TENM3: variants seen among roughly 807,000 people sequenced by gnomAD.
TENM3 encodes the protein teneurin transmembrane protein 3.
In TENM3, 63 loss-of-function variants were observed where a neutral mutation model predicts 255.1. The observed-to-expected ratio is 0.25, with a 90% CI of 0.20 to 0.30. The LOEUF (loss-of-function observed/expected upper bound fraction) is 0.30, where lower values mean the gene tolerates loss of function less well. Ranked by LOEUF, TENM3 falls within the 10% of genes least tolerant of loss-of-function variation. TENM3 has a pLI of 1.00. For missense variants in TENM3, 2,929 were observed against 3,461.1 expected (o/e 0.85, Z 3.86); for synonymous variants, 1,306 against 1,322.3 (o/e 0.99, Z 0.27).
chr4:181,849,949 T>TCA, the TENM3 span, among the ~76,000 whole-genome samples: 328 of 65,950 alleles, frequency 5.0e-3, 6 homozygotes, highest in African/African-American at 0.014. Context: ...TCTCTCTCTC[T>TCA]CACACACACA....
chr4:182,800,365 C>T lies in TENM3; in HGVS notation c.*14C>T, dbSNP rs954446282. On this transcript the variant is annotated 3_prime_UTR_variant, in exon 28 of 28. Coordinates refer to ENST00000511685, the MANE Select transcript of TENM3 (RefSeq NM_001080477.4). ...GGCAGGAGGTAACGCCCGGGCCGCG[C>T]CCGCCGAGCCGCTCACGCCCTGCCC... 18 of 1,538,550 alleles carry T rather than the reference C, an allele frequency of 1.2e-5. No homozygotes were observed. The highest frequency in any genetic ancestry group is 1.3e-5 in the Non-Finnish European group (15 of 1,151,502).
intron 3 of TENM3, among the ~76,000 whole-genome samples, chr4:182,516,688 C>G (rs922506814): frequency 1.3e-5 from 2 of 152,016 alleles, no homozygotes; most frequent in African/African-American, 4.8e-5. Context: ...GTCAGGAGTT[C>G]TAGACTAGCC....
At chr4:181,821,362 G>A in the TENM3 span, among the ~76,000 whole-genome samples, 1 of 152,108 alleles carries the variant, frequency 6.6e-6, no homozygotes, top group African/African-American at 2.4e-5. Context: ...CCCCTTTGGT[G>A]TTTTGTCACA....
chr4:182,402,922 T>C (rs1769303596), intron 3 of TENM3, among the ~76,000 whole-genome samples: 1 of 152,236 alleles, frequency 6.6e-6, no homozygotes. Context: ...ACAAATATGA[T>C]TTGAGAATAA....
chr4:182,689,547 T>A (rs558983561), intron 12 of TENM3, among the ~76,000 whole-genome samples: 7 of 152,162 alleles, frequency 4.6e-5, no homozygotes, highest in Non-Finnish European at 1.0e-4. Flanking sequence ...CAGAGGTAGT[T>A]GTGTCATGGC....
At chr4:182,765,361 A>T (rs1763616531) in intron 22 of TENM3, among the ~76,000 whole-genome samples, 1 of 152,154 alleles carries the variant, frequency 6.6e-6, no homozygotes, top group Non-Finnish European at 1.5e-5. Context: ...TGAAGGATCC[A>T]CTTTCTCCTA....
the TENM3 span, among the ~76,000 whole-genome samples, chr4:181,804,882 A>G: frequency 6.6e-6 from 1 of 152,080 alleles, no homozygotes; most frequent in African/African-American, 2.4e-5. Flanking sequence ...ATATGCCTAT[A>G]TCCGGGGCAG....
At chr4:182,120,436 T>G in the TENM3 span, among the ~76,000 whole-genome samples, 1 of 152,190 alleles carries the variant, frequency 6.6e-6, no homozygotes, top group African/African-American at 2.4e-5. Flanking sequence ...ACTACACATA[T>G]GTACCTACAT....
At chr4:182,042,509 G>T in the TENM3 span, among the ~76,000 whole-genome samples, 5 of 152,092 alleles carry the variant, frequency 3.3e-5, no homozygotes, top group Admixed American at 1.3e-4. Flanking sequence ...GGGCTTAATG[G>T]GTTGAACTCT....
At chr4:181,559,189 G>GA in the TENM3 span, among the ~76,000 whole-genome samples, 1 of 152,054 alleles carries the variant, frequency 6.6e-6, no homozygotes, top group Non-Finnish European at 1.5e-5. Flanking sequence ...ATGACGAAGG[G>GA]AAAAACATAA....
chr4:182,654,262 A>G (rs1183133818), intron 6 of TENM3, among the ~76,000 whole-genome samples: 1 of 152,146 alleles, frequency 6.6e-6, no homozygotes, highest in Non-Finnish European at 1.5e-5. Context: ...GAGTTGGAAC[A>G]CTGTATTAAT....
chr4:182,566,343 C>G (rs1743793699), intron 3 of TENM3, among the ~76,000 whole-genome samples: 1 of 152,142 alleles, frequency 6.6e-6, no homozygotes, highest in Admixed American at 6.5e-5. Context: ...GTATCAAAGG[C>G]TTTAATTTAT....
the TENM3 span, among the ~76,000 whole-genome samples, chr4:181,690,716 G>T: frequency 1.3e-5 from 2 of 152,112 alleles, no homozygotes; most frequent in Non-Finnish European, 2.9e-5. Flanking sequence ...CAGGGCTAAC[G>T]TGAATCACAG....
intron 3 of TENM3, among the ~76,000 whole-genome samples, chr4:182,519,844 A>G (rs1238411805): frequency 1.3e-5 from 2 of 152,206 alleles, no homozygotes; most frequent in Non-Finnish European, 2.9e-5. Flanking sequence ...CGGAATTTCT[A>G]AACATTGGTG....
chr4:182,186,198 A>ATG (rs766346891), intron 1 of TENM3, among the ~76,000 whole-genome samples: 4 of 152,134 alleles, frequency 2.6e-5, no homozygotes, highest in Non-Finnish European at 5.9e-5. Flanking sequence ...GTGTGTGTGC[A>ATG]TGTGTGTGTG....
At chr4:182,320,104 C>T (rs951421514) in intron 1 of TENM3, among the ~76,000 whole-genome samples, 2 of 62,202 alleles carry the variant, frequency 3.2e-5, no homozygotes, top group East Asian at 4.6e-4. Context: ...AAGAGTGAAA[C>T]TCCGTCTAAA....
chr4:182,575,732 T>A (rs543316925), intron 3 of TENM3, among the ~76,000 whole-genome samples: 1 of 152,304 alleles, frequency 6.6e-6, no homozygotes, highest in East Asian at 1.9e-4. Flanking sequence ...GCTTCTCTAT[T>A]TGGGGAAATC....
At chr4:181,880,297 A>C in the TENM3 span, among the ~76,000 whole-genome samples, 3 of 152,312 alleles carry the variant, frequency 2.0e-5, no homozygotes, top group Admixed American at 1.3e-4. Flanking sequence ...AATATATGTT[A>C]GATTAATTGA....
At chr4:182,231,984 T>C (rs1756612983) in intron 1 of TENM3, among the ~76,000 whole-genome samples, 1 of 152,232 alleles carries the variant, frequency 6.6e-6, no homozygotes, top group East Asian at 1.9e-4. Flanking sequence ...GTGATATGCA[T>C]TGAAAATCAT....
Sources: gnomAD v4.1 joint callset for allele counts (sites outside exome capture counted in the v4.1 genomes callset) on GRCh38, gnomAD v4.1.1 for gene constraint, MANE v1.5 for transcripts, NCBI Gene and HGNC (gene_info 2026-07-23, HGNC 2026-07-21) for gene names.